ALDH4A1: variants seen among roughly 807,000 people sequenced by gnomAD.
ALDH4A1 encodes the protein aldehyde dehydrogenase 4 family member A1.
A neutral mutation model predicts 70.5 loss-of-function variants in ALDH4A1; 46 were observed. The ratio of observed to expected loss-of-function variants is 0.65; its 90% CI spans 0.51 to 0.83. The LOEUF is 0.83. Ranked by LOEUF, ALDH4A1 falls within the 40% of genes least tolerant of loss-of-function variation. ALDH4A1 has a pLI of 0.00. For synonymous variants in ALDH4A1, 323 were observed against 324.3 expected, an observed-to-expected ratio of 1.00 and a Z score of 0.04; for missense variants, 749 against 766.5, an observed-to-expected ratio of 0.98 and a Z score of 0.27.
intron 1 of ALDH4A1, among the ~76,000 whole-genome samples, chr1:18,895,783 G>A (rs1935596742): frequency 6.6e-6 from 1 of 152,172 alleles, no homozygotes; most frequent in Non-Finnish European, 1.5e-5. Flanking sequence ...CACCTCGTCC[G>A]AGGTACTAGT....
chr1:18,873,566 G>A (rs1463564085), intron 14 of ALDH4A1, among the ~76,000 whole-genome samples: 1 of 152,158 alleles, frequency 6.6e-6, no homozygotes, highest in African/African-American at 2.4e-5. Context: ...AATCGTGCCT[G>A]TGTAATGCAG....
intron 1 of ALDH4A1, among the ~76,000 whole-genome samples, chr1:18,895,105 G>A (rs1935573427): frequency 6.6e-6 from 1 of 152,138 alleles, no homozygotes; most frequent in Non-Finnish European, 1.5e-5. Context: ...GTCAATAACA[G>A]CTCACTCAAT....
At chr1:18,874,402 G>A (rs940889890) in intron 14 of ALDH4A1, 61 bp downstream of exon 14, 34 of 1,491,944 alleles carry the variant, frequency 2.3e-5, no homozygotes, top group Non-Finnish European at 2.8e-5. Flanking sequence ...CCCTCGAGAC[G>A]TAACATCTAG....
intron 1 of ALDH4A1, among the ~76,000 whole-genome samples, chr1:18,892,134 A>G (rs959578428): frequency 6.6e-6 from 1 of 151,956 alleles, no homozygotes; most frequent in South Asian, 2.1e-4. Flanking sequence ...TTTTTGCCCT[A>G]TGGGAGACAG....
intron 7 of ALDH4A1, among the ~76,000 whole-genome samples, chr1:18,882,105 C>T (rs982567406): frequency 4.6e-5 from 7 of 152,234 alleles, no homozygotes; most frequent in African/African-American, 1.7e-4. Context: ...CTGCCCCACG[C>T]TCTGGCCAAG....
At chr1:18,882,459 A>G in intron 7 of ALDH4A1, 7 of 468,256 alleles carry the variant, frequency 1.5e-5, no homozygotes, top group South Asian at 1.1e-4. Flanking sequence ...CACCTCCCCC[A>G]CAGGCCTGGG....
At chr1:18,897,418 C>T (rs907114333) in intron 1 of ALDH4A1, among the ~76,000 whole-genome samples, 12 of 152,296 alleles carry the variant, frequency 7.9e-5, no homozygotes, top group African/African-American at 2.9e-4. Context: ...TGGCGTGTGC[C>T]TGTAGTCTCA....
intron 1 of ALDH4A1, among the ~76,000 whole-genome samples, chr1:18,899,555 G>C (rs1299067116): frequency 6.6e-6 from 1 of 152,246 alleles, no homozygotes; most frequent in African/African-American, 2.4e-5. Context: ...CAGGAAGTCA[G>C]GGTTAAAGGA....
intron 5 of ALDH4A1, 65 bp downstream of exon 5, chr1:18,885,408 T>G: frequency 9.7e-6 from 14 of 1,445,182 alleles, no homozygotes; most frequent in Middle Eastern, 2.4e-4. Flanking sequence ...TCTGCTGCCA[T>G]GGGTAGGGCA....
intron 8 of ALDH4A1, among the ~76,000 whole-genome samples, chr1:18,881,245 T>C (rs1161069130): frequency 6.6e-6 from 1 of 152,166 alleles, no homozygotes; most frequent in African/African-American, 2.4e-5. Flanking sequence ...CAACATTGTA[T>C]GTGCTATTCC....
chr1:18,877,483 G>T lies in ALDH4A1; in HGVS notation c.1070C>A (p.Pro357Gln), dbSNP rs758300845. 6.2e-7 allele frequency: 1 copy of T among 1,601,032 alleles called. No homozygotes were observed. The change falls in exon 10 of 15, where the codon CCG (proline) becomes CAG (glutamine). Residue 357 changes from proline to glutamine, a missense_variant. By Grantham distance (76) the Pro-to-Gln change is moderately conservative (BLOSUM62 -1). Coordinates refer to ENST00000375341, the MANE Select transcript of ALDH4A1 (RefSeq NM_003748.4). ...KCSACSRLYV[P>Q]HSLWPQIKGR... Reference sequence around the variant, plus strand: ...TTTGATCTGCGGCCACAGCGAGTGCGGCACGTAGAGACGCGAGCACGCGGA... The same window carrying T: ...TTTGATCTGCGGCCACAGCGAGTGCTGCACGTAGAGACGCGAGCACGCGGA...
At chr1:18,888,958 GC>G (rs1178581630) in intron 3 of ALDH4A1, among the ~76,000 whole-genome samples, 1 of 152,214 alleles carries the variant, frequency 6.6e-6, no homozygotes, top group Non-Finnish European at 1.5e-5. Context: ...GAGTTTCCTG[GC>G]CCACGTAAAG....
chr1:18,876,302 C>G lies in ALDH4A1; in HGVS notation c.1338+13G>C. 1 of 1,613,304 alleles carries G rather than the reference C, an allele frequency of 6.2e-7. No individual in the cohort carries two copies. The highest frequency in any genetic ancestry group is 8.5e-7 in the Non-Finnish European group (1 of 1,179,900). Reference sequence around the variant, plus strand: ...TGTCCTCCTCTGGACCCCAGGCTGCCCACCCCAGTCACCTCCTTCATGATG... The same window carrying G: ...TGTCCTCCTCTGGACCCCAGGCTGCGCACCCCAGTCACCTCCTTCATGATG... On this transcript the variant is annotated intron_variant, in intron 12 of 14. Transcript: ENST00000375341.
intron 1 of ALDH4A1, among the ~76,000 whole-genome samples, chr1:18,894,849 T>TTTTC (rs1432243951): frequency 2.0e-5 from 3 of 150,756 alleles, no homozygotes; most frequent in Non-Finnish European, 2.9e-5. Context: ...GTGCTTTCTT[T>TTTTC]TTTCTTTCTT....
At chr1:18,876,614 G>T in intron 11 of ALDH4A1, 147 bp from the exon 12 acceptor site, 2 of 833,202 alleles carry the variant, frequency 2.4e-6, no homozygotes, top group Non-Finnish European at 1.8e-6. Context: ...AAGGGCAAAA[G>T]CCAGGGTCTG....
Position 18,883,296 on chromosome 1 carries a change from C to A in ALDH4A1, c.586G>T (p.Val196Leu), listed in dbSNP as rs200142816. 1.9e-6 allele frequency: 3 copies of A among 1,613,278 alleles called. No homozygotes were observed. Among genetic ancestry groups the A allele is most frequent in the Non-Finnish European group, 2.5e-6 (3 of 1,180,038 alleles). The stretch of plus-strand genomic sequence containing the variant: ...GCAGGTACCTCCAGACCCCGGTACA[C>A]CGTGCTGTTGGTGCTCGGGGGCACG... The part of the protein sequence containing the change: ...ISVPPSTNST[V>L]YRGLEGFVAA... Residue 196 changes from valine to leucine, a missense_variant, in exon 6 of 15, where the codon GTG (valine) becomes TTG (leucine). Coordinates refer to ENST00000375341, the MANE Select transcript of ALDH4A1 (RefSeq NM_003748.4).
At chr1:18,896,405 C>G (rs1935617092) in intron 1 of ALDH4A1, among the ~76,000 whole-genome samples, 2 of 152,206 alleles carry the variant, frequency 1.3e-5, no homozygotes, top group South Asian at 4.1e-4. Context: ...CTTGGGTTCC[C>G]CAGTGGCTAA....
chr1:18,877,648 G>A (rs1019841480), intron 9 of ALDH4A1, 36 bp from the exon 10 acceptor site: 6 of 1,415,764 alleles, frequency 4.2e-6, no homozygotes, highest in East Asian at 2.3e-5. Context: ...GACCAGAGGA[G>A]CTGGCTCCCC....
chr1:18,890,065 C>A lies in ALDH4A1; in HGVS notation c.103G>T (p.Glu35Ter), dbSNP rs150027463. ...KHTSSLKVANEPVLAFTQGSP... is the reference protein window; with the variant it reads ...KHTSSLKVAN Reference sequence around the variant, plus strand: ...CCCTGCGTGAAGGCTAAGACGGGCTCGTTGGCCACCTTCAGGGAGGAGGTG... The same window carrying A: ...CCCTGCGTGAAGGCTAAGACGGGCTAGTTGGCCACCTTCAGGGAGGAGGTG... Residue 35 changes from glutamate to a stop codon, truncating the protein, a stop_gained, in exon 2 of 15, where the codon GAG (glutamate) becomes TAG (stop). Transcript: ENST00000375341. LOFTEE classifies it high-confidence loss of function. 4 of 1,612,954 alleles carry A rather than the reference C, an allele frequency of 2.5e-6. No homozygotes were observed. The highest frequency in any genetic ancestry group is 3.4e-6 in the Non-Finnish European group (4 of 1,179,788).
Sources: allele counts gnomAD v4.1 joint callset (sites outside exome capture counted in the v4.1 genomes callset), GRCh38; gene constraint gnomAD v4.1.1; transcripts MANE v1.5; gene names NCBI Gene and HGNC (gene_info 2026-07-23, HGNC 2026-07-21).